SASH1: variants seen among roughly 807,000 people sequenced by gnomAD.
SASH1 encodes the protein SAM and SH3 domain-containing protein 1.
Under a neutral mutation model 125.2 loss-of-function variants are expected in SASH1, and 44 were observed. The ratio of observed to expected loss-of-function variants is 0.35; its 90% CI spans 0.28 to 0.45. SASH1 has a LOEUF of 0.45. Ranked by LOEUF, SASH1 falls within the 20% of genes least tolerant of loss-of-function variation. SASH1 has a pLI of 1.00. For synonymous variants in SASH1, 639 were observed against 649.1 expected, an observed-to-expected ratio of 0.98 and a Z score of 0.24; for missense variants, 1,426 against 1,614.5, an observed-to-expected ratio of 0.88 and a Z score of 2.00.
At chr6:148,279,372 T>C (rs532945493) in intron 1 of SASH1, among the ~76,000 whole-genome samples, 1 of 152,332 alleles carries the variant, frequency 6.6e-6, no homozygotes, top group East Asian at 1.9e-4. Flanking sequence ...TGAGATTTAA[T>C]GAATGTAAAT....
chr6:148,511,999 T>A (rs890974223), intron 8 of SASH1, among the ~76,000 whole-genome samples: 3 of 146,840 alleles, frequency 2.0e-5, no homozygotes, highest in Non-Finnish European at 4.5e-5. Context: ...TTCATTTGAT[T>A]TCAACATTTA....
intron 1 of SASH1, among the ~76,000 whole-genome samples, chr6:148,300,052 C>T (rs565192731): frequency 3.9e-5 from 6 of 152,230 alleles, no homozygotes; most frequent in Non-Finnish European, 8.8e-5. Context: ...CAGTAAATTG[C>T]TTTTGGGTAG....
Position 148,346,764 on chromosome 6 carries a change from C to T in SASH1, c.156+3541C>T, listed in dbSNP as rs560706003. Reference sequence around the variant, plus strand: ...GAAACTGCATTTTGGGCAGTTTCATCGTGCAAATTAAAATCCCAGTGCTTC... The same window carrying T: ...GAAACTGCATTTTGGGCAGTTTCATTGTGCAAATTAAAATCCCAGTGCTTC... On this transcript the variant is annotated intron_variant, in intron 1 of 19. Coordinates refer to ENST00000367467, the MANE Select transcript of SASH1 (RefSeq NM_015278.5). 9.8e-5 allele frequency among the ~76,000 whole-genome samples: 15 copies of T among 152,290 alleles called. No individual in the cohort carries two copies. In the South Asian group the frequency reaches 2.7e-3, roughly 27 times the overall value.
intron 2 of SASH1, among the ~76,000 whole-genome samples, chr6:148,392,075 G>A (rs547084898): frequency 3.8e-4 from 58 of 152,094 alleles, no homozygotes; most frequent in South Asian, 2.9e-3. Context: ...ACTTGAGGTC[G>A]GGAGTTCGAG....
chr6:148,535,574 T>G (rs571066268), intron 16 of SASH1, among the ~76,000 whole-genome samples: 6 of 152,236 alleles, frequency 3.9e-5, no homozygotes, highest in Non-Finnish European at 8.8e-5. Flanking sequence ...TCGATTGGCT[T>G]GCAAATTCCC....
intron 7 of SASH1, among the ~76,000 whole-genome samples, chr6:148,478,533 G>A (rs1778470556): frequency 6.6e-6 from 1 of 152,206 alleles, no homozygotes; most frequent in South Asian, 2.1e-4. Flanking sequence ...GCCTGGGGAT[G>A]GTAGTGAGGA....
At chr6:148,329,693 G>A (rs1000123316) in intron 1 of SASH1, among the ~76,000 whole-genome samples, 1 of 152,046 alleles carries the variant, frequency 6.6e-6, no homozygotes, top group African/African-American at 2.4e-5. Context: ...TAGAAGGAAA[G>A]TACTCTAGAG....
chr6:148,542,713 A>G (rs1479527371), intron 17 of SASH1, among the ~76,000 whole-genome samples: 5 of 152,238 alleles, frequency 3.3e-5, no homozygotes, highest in Non-Finnish European at 1.5e-5. Flanking sequence ...TAGTAGCACT[A>G]GGCTGATGAT....
intron 2 of SASH1, among the ~76,000 whole-genome samples, chr6:148,409,616 G>A (rs764088192): frequency 5.3e-5 from 8 of 152,248 alleles, no homozygotes; most frequent in Non-Finnish European, 7.4e-5. Flanking sequence ...AAATGTGAAC[G>A]GCTGGAAGCA....
intron 8 of SASH1, among the ~76,000 whole-genome samples, chr6:148,506,472 C>T (rs897846945): frequency 5.9e-5 from 9 of 152,128 alleles, no homozygotes; most frequent in African/African-American, 2.2e-4. Flanking sequence ...AAAACTCCAT[C>T]TCAAATAATA....
chr6:148,297,123 C>T (rs965463257), intron 1 of SASH1, among the ~76,000 whole-genome samples: 6 of 152,308 alleles, frequency 3.9e-5, no homozygotes, highest in Middle Eastern at 6.8e-3. Flanking sequence ...GAGAGTCTGT[C>T]GTGTGAACTA....
intron 2 of SASH1, among the ~76,000 whole-genome samples, chr6:148,427,785 T>C (rs1001309576): frequency 2.6e-5 from 4 of 152,224 alleles, no homozygotes; most frequent in South Asian, 2.1e-4. Flanking sequence ...CTTCCCAGAC[T>C]GATTTCTGTT....
chr6:148,484,028 G>A (rs920694781), intron 7 of SASH1, among the ~76,000 whole-genome samples: 3 of 152,022 alleles, frequency 2.0e-5, no homozygotes, highest in African/African-American at 4.8e-5. Context: ...TACATATTTC[G>A]GATGTCCTGG....
intron 1 of SASH1, among the ~76,000 whole-genome samples, chr6:148,310,087 C>T (rs1055490688): frequency 1.3e-5 from 2 of 152,042 alleles, no homozygotes; most frequent in South Asian, 2.1e-4. Flanking sequence ...TTTGGGAAGC[C>T]GAGGAGGGTG....
At chr6:148,511,495 T>G (rs1784247715) in intron 8 of SASH1, among the ~76,000 whole-genome samples, 1 of 152,186 alleles carries the variant, frequency 6.6e-6, no homozygotes, top group Non-Finnish European at 1.5e-5. Flanking sequence ...GTTTGTGATT[T>G]GTCAGTGACA....
In SASH1 at chr6:148,343,113, G is replaced by GAGCCCA; in HGVS notation, c.51_52insAAGCCC (p.Pro17_Glu18insLysPro). ...TGGCCCGGGGCCGGAGCCTGAGCCC[G>GAGCCCA]AGCCCGAGCCGGAGCCCGAGCCCGC... On this transcript the variant is annotated inframe_insertion, in exon 1 of 20. Transcript: ENST00000367467. 6.3e-7 allele frequency: 1 copy of GAGCCCA among 1,584,926 alleles called. No homozygotes were observed. Among genetic ancestry groups the GAGCCCA allele is most frequent in the Non-Finnish European group, 8.5e-7 (1 of 1,172,820 alleles).
chr6:148,436,990 G>T (rs1776318356), intron 2 of SASH1, among the ~76,000 whole-genome samples: 1 of 152,090 alleles, frequency 6.6e-6, no homozygotes, highest in South Asian at 2.1e-4. Flanking sequence ...TTTTGATGAG[G>T]TTCACAATGT....
At chr6:148,417,613 G>A (rs1784881710) in intron 2 of SASH1, among the ~76,000 whole-genome samples, 1 of 92,832 alleles carries the variant, frequency 1.1e-5, no homozygotes, top group Non-Finnish European at 2.5e-5. Flanking sequence ...AAATAAAAGA[G>A]CATGTATCCC....
At chr6:148,292,401 C>T (rs1013350149) in intron 1 of SASH1, among the ~76,000 whole-genome samples, 4 of 152,134 alleles carry the variant, frequency 2.6e-5, no homozygotes, top group African/African-American at 9.7e-5. Flanking sequence ...GGGATATGGG[C>T]TAATGGAGCC....
Sources: gnomAD v4.1 joint callset for allele counts (sites outside exome capture counted in the v4.1 genomes callset) on GRCh38, gnomAD v4.1.1 for gene constraint, MANE v1.5 for transcripts, NCBI Gene and HGNC (gene_info 2026-07-23, HGNC 2026-07-21) for gene names.